CKAP5: variants seen among roughly 807,000 people sequenced by gnomAD.
The protein encoded by CKAP5 is cytoskeleton associated protein 5, also known as cytoskeleton-associated protein 5.
In CKAP5, 27 loss-of-function variants were observed where a neutral mutation model predicts 232.8. That is an observed-to-expected ratio of 0.12 (90% CI 0.09 to 0.16). CKAP5 has a LOEUF of 0.16. CKAP5 is among the 10% of genes least tolerant of loss of function. The probability of loss-of-function intolerance (pLI) is 1.00; values close to 1 mark genes in which losing one functional copy is unlikely to be tolerated. For synonymous variants in CKAP5, 785 were observed against 841.1 expected, an observed-to-expected ratio of 0.93 and a Z score of 1.16; for missense variants, 1,838 against 2,424.7, an observed-to-expected ratio of 0.76 and a Z score of 5.08.
intron 1 of CKAP5, 79 bp from the exon 2 acceptor site, chr11:46,821,347 T>A: frequency 3.1e-6 from 2 of 642,532 alleles, no homozygotes; most frequent in Non-Finnish European, 5.4e-6. Context: ...AGATTATTAT[T>A]TTATCATTCA....
At position 46,752,383 on chromosome 11, in the gene CKAP5, C is replaced by T. The variant is rs959990265; in HGVS notation, c.5133+252G>A. Among the ~76,000 whole-genome samples, 3 of 150,914 alleles carry T rather than the reference C, an allele frequency of 2.0e-5. No homozygotes were observed. The Admixed American group carries it at 2.0e-4, about 10-fold the overall frequency. ...CAAGGCTGGAGTGTAGTGGTATGATCAAGCTCACTTCTGGGTTCAAGTAAT... is the reference window on the plus strand; with the variant it reads ...CAAGGCTGGAGTGTAGTGGTATGATTAAGCTCACTTCTGGGTTCAAGTAAT... On this transcript the variant is annotated intron_variant, in intron 38 of 43. Transcript: ENST00000529230.
chr11:46,764,561 G>A (rs2065185979), intron 28 of CKAP5, among the ~76,000 whole-genome samples: 1 of 151,954 alleles, frequency 6.6e-6, no homozygotes, highest in South Asian at 2.1e-4. Context: ...TATAAAAGGA[G>A]GGCTATATAA....
At chr11:46,768,240 G>C (rs182676566) in intron 26 of CKAP5, among the ~76,000 whole-genome samples, 2 of 151,982 alleles carry the variant, frequency 1.3e-5, no homozygotes, top group Admixed American at 6.6e-5. Flanking sequence ...ACACAGACTA[G>C]AGTGCAATAG....
At position 46,744,482 on chromosome 11, in the gene CKAP5, C is replaced by T; in HGVS notation, c.5800G>A (p.Val1934Ile). The change falls in exon 43 of 44, where the codon GTC becomes ATC. Residue 1934 changes from valine to isoleucine, a missense_variant. Physicochemically the swap from Val to Ile is conservative, Grantham distance 29. Coordinates refer to ENST00000529230, the MANE Select transcript of CKAP5 (RefSeq NM_001008938.4). ...AGGATCTTTAGCCTTTCCAAGTAGA[C>T]AGATGGCCCCACTTCTTCCCCATTT... ...NTNGEEVGPS[V>I]YLERLKILRQ... The T allele has an allele frequency of 3.1e-6, 5 of 1,614,176 alleles. No homozygotes were observed. Among genetic ancestry groups the T allele is most frequent in the Non-Finnish European group, 3.4e-6 (4 of 1,180,038 alleles).
rs749458774 is a variant in CKAP5 at position 46,788,714 on chromosome 11, G to A, written c.1935C>T (p.Ala645=). Residue 645 remains alanine, a synonymous_variant, in exon 16 of 44, where the codon GCC becomes GCT. Coordinates refer to ENST00000529230, the MANE Select transcript of CKAP5 (RefSeq NM_001008938.4). The part of the protein sequence containing the change: ...MPCQALVRML[A]KKPGWKETNF... ...TAGTTTCTTTCCATCCAGGTTTCTTGGCTAGCATCCTCACTAATGCCTGGC... is the reference window on the plus strand; with the variant it reads ...TAGTTTCTTTCCATCCAGGTTTCTTAGCTAGCATCCTCACTAATGCCTGGC... 2.1e-5 allele frequency: 33 copies of A among 1,608,090 alleles called. No individual in the cohort carries two copies. Among genetic ancestry groups the A allele is most frequent in the Non-Finnish European group, 2.8e-5 (33 of 1,177,416 alleles).
intron 5 of CKAP5, 66 bp from the exon 6 acceptor site, chr11:46,809,940 TTACA>T (rs1396314099): frequency 6.2e-6 from 9 of 1,455,176 alleles, no homozygotes; most frequent in Non-Finnish European, 7.5e-6. Flanking sequence ...TACTTAATAC[TTACA>T]TTTATTGACA....
At chr11:46,786,073 T>C (rs971979974) in intron 16 of CKAP5, among the ~76,000 whole-genome samples, 4 of 152,316 alleles carry the variant, frequency 2.6e-5, no homozygotes, top group African/African-American at 9.6e-5. Context: ...TCTGCAATTG[T>C]GGAGTCAATA....
chr11:46,743,735 AAAAG>A lies in CKAP5; in HGVS notation c.*284_*287del. 2.7e-5 allele frequency: 1 copy of A among 36,928 alleles called. No individual in the cohort carries two copies. Among genetic ancestry groups the A allele is most frequent in the Non-Finnish European group, 9.8e-5 (1 of 10,256 alleles). 2.3% of individuals were successfully genotyped at this position (36,928 alleles called of 1,614,324 possible). Reference sequence around the variant, plus strand: ...GGACAATTTTACAAATGAGCAATTAAAAAGAAAAGAAAAGGATCTGGGAACTAGA... The same window carrying A: ...GGACAATTTTACAAATGAGCAATTAAAAAAGAAAAGGATCTGGGAACTAGA... On this transcript the variant is annotated 3_prime_UTR_variant, in exon 44 of 44. Transcript: ENST00000529230.
At position 46,744,431 on chromosome 11, in the gene CKAP5, T is replaced by C; in HGVS notation, c.5851A>G (p.Thr1951Ala). ...ILRQRCGLDN[T>A]KQDDRPPLTS... ...CAGAAGAAAAGGAGCAGTACCTTTG[T>C]GTTGTCCAGACCACATCGCTGTCGG... Residue 1951 changes from threonine to alanine, a missense_variant, in exon 43 of 44, where the codon ACA becomes GCA. Physicochemically the swap from Thr to Ala is moderately conservative, Grantham distance 58 (BLOSUM62 0). Around this residue, in one of 6 missense-constraint regions of CKAP5, gnomAD observed 579 missense variants for 843.2 expected, o/e 0.69. Coordinates refer to ENST00000529230, the MANE Select transcript of CKAP5 (RefSeq NM_001008938.4). 2 of 1,614,122 alleles carry C rather than the reference T, an allele frequency of 1.2e-6. No individual in the cohort carries two copies. The highest frequency in any genetic ancestry group is 8.5e-7 in the Non-Finnish European group (1 of 1,180,022).
In CKAP5 at chr11:46,809,893, A is replaced by T. The variant is rs780161740; in HGVS notation, c.631-19T>A. ...CTTTCAACTGCAAATGTCATATAAT[A>T]TTTAAATAATATCTGCATCTCCACC... On this transcript the variant is annotated intron_variant, in intron 5 of 43. Coordinates refer to ENST00000529230, the MANE Select transcript of CKAP5 (RefSeq NM_001008938.4). The T allele has an allele frequency of 6.3e-7, 1 of 1,592,316 alleles. No homozygotes were observed. Among genetic ancestry groups the T allele is most frequent in the South Asian group, 1.2e-5 (1 of 86,134 alleles).
At chr11:46,777,395 G>T in intron 23 of CKAP5, 44 bp downstream of exon 23, 1 of 1,200,038 alleles carries the variant, frequency 8.3e-7, no homozygotes, top group Non-Finnish European at 1.2e-6. Context: ...AAATATGGCT[G>T]GCCTATTCCA....
In CKAP5 at chr11:46,753,473, G is replaced by A. The variant is rs757166590; in HGVS notation, c.4894C>T (p.Arg1632Trp). The change falls in exon 37 of 44, where the codon CGG becomes TGG. Residue 1632 changes from arginine (R) to tryptophan (W), a missense_variant. Arg to Trp is a moderately radical substitution (Grantham distance 101, BLOSUM62 -3). Coordinates refer to ENST00000529230, the MANE Select transcript of CKAP5 (RefSeq NM_001008938.4). ...ISLFQIESLAREASTGVLKDL... is the reference protein window; with the variant it reads ...ISLFQIESLAWEASTGVLKDL... ...TTTAGTACTCCAGTGGAGGCCTCCC[G>A]GGCAAGGCTCTCTATCTGAAACAGC... 10 of 1,611,982 alleles carry A rather than the reference G, an allele frequency of 6.2e-6. No individual in the cohort carries two copies. The Admixed American group carries it at 8.4e-5, about 14-fold the overall frequency.
chr11:46,844,435 CAAAA>C (rs994419304), intron 1 of CKAP5, among the ~76,000 whole-genome samples: 2 of 151,910 alleles, frequency 1.3e-5, no homozygotes, highest in Admixed American at 6.6e-5. Context: ...AACAAACAAA[CAAAA>C]AACACCAAAA....
chr11:46,767,550 A>T (rs752749653), intron 27 of CKAP5, 25 bp downstream of exon 27: 1 of 1,454,550 alleles, frequency 6.9e-7, no homozygotes, highest in South Asian at 1.2e-5. Context: ...GCAAGTCTAC[A>T]TCGAAGTATA....
intron 12 of CKAP5, among the ~76,000 whole-genome samples, chr11:46,796,296 A>T (rs539861585): frequency 5.6e-4 from 85 of 152,310 alleles, no homozygotes; most frequent in African/African-American, 1.7e-3. Context: ...ATTTCTTTAC[A>T]AATTAGAATT....
intron 25 of CKAP5, among the ~76,000 whole-genome samples, chr11:46,770,432 A>AAT (rs998262269): frequency 3.3e-5 from 5 of 152,096 alleles, no homozygotes; most frequent in South Asian, 4.1e-4. Context: ...ATTCATGTTT[A>AAT]ATATATATAT....
chr11:46,810,343 G>T (rs1275034632), intron 5 of CKAP5, among the ~76,000 whole-genome samples: 2 of 151,984 alleles, frequency 1.3e-5, no homozygotes, highest in Non-Finnish European at 2.9e-5. Context: ...TTGAGAGACA[G>T]GGTCTCAACT....
At chr11:46,757,797 A>C (rs2134583405) in intron 35 of CKAP5, among the ~76,000 whole-genome samples, 1 of 151,032 alleles carries the variant, frequency 6.6e-6, no homozygotes, top group East Asian at 2.0e-4. Context: ...CACATTGGCC[A>C]GGCTGGTCTC....
chr11:46,838,610 G>A (rs1939970768), intron 1 of CKAP5, among the ~76,000 whole-genome samples: 1 of 84,916 alleles, frequency 1.2e-5, no homozygotes, highest in Admixed American at 2.0e-4. Flanking sequence ...GTAATACCTT[G>A]CCTCTTCAAA....
Sources: gnomAD v4.1 joint callset for allele counts (sites outside exome capture counted in the v4.1 genomes callset) on GRCh38, gnomAD v4.1.1 for gene constraint, gnomAD v4.1.1 regional missense constraint, MANE v1.5 for transcripts, NCBI Gene and HGNC (gene_info 2026-07-23, HGNC 2026-07-21) for gene names.